Variants in PCDHGB5 observed in about 807,000 individuals in gnomAD.
PCDHGB5 encodes protocadherin gamma-B5.
In PCDHGB5, 48 loss-of-function variants were observed where a neutral mutation model predicts 62.9. The observed-to-expected ratio is 0.76, with a 90% CI of 0.61 to 0.97. The LOEUF (loss-of-function observed/expected upper bound fraction) is 0.97. Among genes scored for constraint, PCDHGB5 ranks in the 50% least tolerant of loss-of-function variants. PCDHGB5 has a pLI of 0.00. For missense variants in PCDHGB5, 1,118 were observed against 1,198.6 expected (o/e 0.93, Z 0.99); for synonymous variants, 474 against 511.2 (o/e 0.93, Z 0.98).
At position 141,490,908 on chromosome 5, in the gene PCDHGB5, C is replaced by G; in HGVS notation, c.2398-3899C>G. On this transcript the variant is annotated intron_variant, in intron 1 of 3. Transcript: ENST00000617380. This position sits in a 1 kb window ranked among gnomAD's most constrained non-coding sequence, Gnocchi z 5.4. ...CATCTCTGCATGTGTTTGTCCTAGA[C>G]GAGAATGATAATGCCCCAGCTGTGC... The G allele has an allele frequency of 6.2e-7, 1 of 1,613,710 alleles. No individual in the cohort carries two copies. Among genetic ancestry groups the G allele is most frequent in the Non-Finnish European group, 8.5e-7 (1 of 1,179,754 alleles).
chr5:141,437,794 G>A (rs1162440523), intron 1 of PCDHGB5, among the ~76,000 whole-genome samples: 3 of 150,526 alleles, frequency 2.0e-5, no homozygotes, highest in Non-Finnish European at 4.4e-5. Flanking sequence ...CTGGAGTGCA[G>A]TGGCACTATC....
chr5:141,496,103 C>G (rs779317844), intron 2 of PCDHGB5, among the ~76,000 whole-genome samples: 1 of 152,100 alleles, frequency 6.6e-6, no homozygotes, highest in Non-Finnish European at 1.5e-5. Flanking sequence ...ACCAACACCC[C>G]GCTCTCTTCC....
At chr5:141,405,441 A>G (rs1049992632) in intron 1 of PCDHGB5, 1 of 1,376,552 alleles carries the variant, frequency 7.3e-7, no homozygotes, top group Non-Finnish European at 1.0e-6. Context: ...TGTTTTTGAG[A>G]CAGAGTCTTA....
At chr5:141,423,920 G>A (rs2096790804) in intron 1 of PCDHGB5, 2 of 1,258,728 alleles carry the variant, frequency 1.6e-6, no homozygotes, top group African/African-American at 1.6e-5. Flanking sequence ...ATTCAACTAT[G>A]CTGGTTTGGT....
chr5:141,496,277 T>C (rs1484877198), intron 2 of PCDHGB5, among the ~76,000 whole-genome samples: 1 of 152,134 alleles, frequency 6.6e-6, no homozygotes, highest in Non-Finnish European at 1.5e-5. Context: ...AGACCTTCAG[T>C]TGGTCTGAGC....
rs767415619 is a variant in PCDHGB5 at position 141,399,076 on chromosome 5, G to A, written c.949G>A (p.Gly317Arg). Residue 317 changes from glycine (G) to arginine (R), a missense_variant, in exon 1 of 4, where the codon GGG becomes AGG. Transcript: ENST00000617380. ...CAAGGAATATTCAATGGTTGTAGAA[G>A]GGAGGGATGGTGGTGGACTGGTTGC... ...ETKEYSMVVE[G>R]RDGGGLVAQC... is the part of the protein sequence containing the mutation. 1.2e-6 allele frequency: 2 copies of A among 1,613,850 alleles called. No individual in the cohort carries two copies. Among genetic ancestry groups the A allele is most frequent in the Non-Finnish European group, 1.7e-6 (2 of 1,179,882 alleles).
At position 141,431,110 on chromosome 5, in the gene PCDHGB5, T is replaced by G; in HGVS notation, c.2397+30586T>G. 1.2e-6 allele frequency: 2 copies of G among 1,614,168 alleles called. No individual in the cohort carries two copies. The highest frequency in any genetic ancestry group is 1.7e-6 in the Non-Finnish European group (2 of 1,180,012). On this transcript the variant is annotated intron_variant, in intron 1 of 3. Transcript: ENST00000617380. This position sits in a 1 kb window ranked among gnomAD's most constrained non-coding sequence, Gnocchi z 4.8. Reference sequence around the variant, plus strand: ...TGATGGAGGATAAAGTGAAAATATATGGAGTAGAAGTAGAAGTAAGGGACA... The same window carrying G: ...TGATGGAGGATAAAGTGAAAATATAGGGAGTAGAAGTAGAAGTAAGGGACA...
chr5:141,491,702 T>A lies in PCDHGB5; in HGVS notation c.2398-3105T>A. The A allele has an allele frequency of 6.2e-7, 1 of 1,611,514 alleles. No homozygotes were observed. Among genetic ancestry groups the A allele is most frequent in the Non-Finnish European group, 8.5e-7 (1 of 1,178,984 alleles). ...AATACGCTGCGGGAGCGGAGCCAGG[T>A]GAGGGGCTCGGCGCCGCCCCGGGCG... On this transcript the variant is annotated intron_variant, in intron 1 of 3. Coordinates refer to ENST00000617380, the MANE Select transcript of PCDHGB5 (RefSeq NM_018925.3). The surrounding 1 kb of genome is among the most constrained non-coding windows in gnomAD (Gnocchi z 6.9).
At chr5:141,413,244 C>T in intron 1 of PCDHGB5, 3 of 1,613,984 alleles carry the variant, frequency 1.9e-6, no homozygotes, top group Non-Finnish European at 2.5e-6. Flanking sequence ...TCTGCCTTTT[C>T]TTCGGGATTC....
chr5:141,455,738 A>G (rs896060095), intron 1 of PCDHGB5, among the ~76,000 whole-genome samples: 2 of 152,140 alleles, frequency 1.3e-5, no homozygotes, highest in Non-Finnish European at 2.9e-5. Flanking sequence ...TTGCATATCA[A>G]AGGTTGCTGG....
chr5:141,405,354 T>G lies in PCDHGB5; in HGVS notation c.2397+4830T>G, dbSNP rs781757006. The G allele has an allele frequency of 3.7e-6, 6 of 1,614,112 alleles. No homozygotes were observed. In the East Asian group the frequency reaches 1.3e-4, roughly 36 times the overall value. On this transcript the variant is annotated intron_variant, in intron 1 of 3. Coordinates refer to ENST00000617380, the MANE Select transcript of PCDHGB5 (RefSeq NM_018925.3). The stretch of plus-strand genomic sequence containing the variant: ...GTCTCTGTTGATTCCAAGTTTCCTA[T>G]AGAAGACACCCCTTTGGTTCCGGTG...
At chr5:141,444,880 G>C (rs527554886) in intron 1 of PCDHGB5, among the ~76,000 whole-genome samples, 5 of 152,268 alleles carry the variant, frequency 3.3e-5, no homozygotes, top group Admixed American at 1.3e-4. Flanking sequence ...AAGCTTGTAG[G>C]ATTTTTGAAT....
At chr5:141,427,067 G>A (rs1170378664) in intron 1 of PCDHGB5, 1 of 457,930 alleles carries the variant, frequency 2.2e-6, no homozygotes, top group Non-Finnish European at 4.4e-6. Context: ...CTGTACTAAA[G>A]GTGACAGCCA....
chr5:141,499,233 C>A (rs1047984757), intron 2 of PCDHGB5, among the ~76,000 whole-genome samples: 2 of 152,116 alleles, frequency 1.3e-5, no homozygotes, highest in Non-Finnish European at 2.9e-5. Context: ...CAGCTGTCCC[C>A]AGCCTCTGCA....
chr5:141,427,428 T>C (rs1489623330), intron 1 of PCDHGB5: 3 of 470,472 alleles, frequency 6.4e-6, no homozygotes, highest in Admixed American at 4.7e-5. Context: ...GGAGGTTACA[T>C]GCCTCATAAA....
rs200117787 is a variant in PCDHGB5, at chr5:141,477,443, G to T, written c.2398-17364G>T. ...CCCTTCCCTCTCAGCCCTTACAATA[G>T]TGCGTGTTCAAGTGTCCGACATCAA... On this transcript the variant is annotated intron_variant, in intron 1 of 3. Coordinates refer to ENST00000617380, the MANE Select transcript of PCDHGB5 (RefSeq NM_018925.3). This position sits in a 1 kb window ranked among gnomAD's most constrained non-coding sequence, Gnocchi z 4.9. The T allele has an allele frequency of 1.7e-5, 28 of 1,614,136 alleles. No homozygotes were observed. In the East Asian group the frequency reaches 6.2e-4, roughly 36 times the overall value.
intron 1 of PCDHGB5, chr5:141,441,502 T>G (rs2098250414): frequency 5.8e-6 from 1 of 173,754 alleles, no homozygotes; most frequent in African/African-American, 2.4e-5. Context: ...CTACCAGGCC[T>G]CCTACGTCGT....
intron 1 of PCDHGB5, chr5:141,423,684 T>TA (rs1412198122): frequency 1.3e-6 from 2 of 1,524,644 alleles, no homozygotes; most frequent in Non-Finnish European, 1.8e-6. Context: ...CTCTGCCTCC[T>TA]AATTGTTGGT....
rs188338684 is a variant in PCDHGB5, at chr5:141,431,953, C to T, written c.2397+31429C>T. ...TGCCCTTTAAATTAGAAAAATCTTA[C>T]GGAAATTACTATAGTTTAGTCACAG... On this transcript the variant is annotated intron_variant, in intron 1 of 3. Transcript: ENST00000617380. The surrounding 1 kb of genome is among the most constrained non-coding windows in gnomAD (Gnocchi z 4.8). 2.4e-5 allele frequency: 38 copies of T among 1,614,082 alleles called. No homozygotes were observed. In the East Asian group the frequency reaches 7.6e-4, roughly 32 times the overall value.
Sources: allele counts gnomAD v4.1 joint callset (sites outside exome capture counted in the v4.1 genomes callset), GRCh38; gene constraint gnomAD v4.1.1; non-coding constraint Gnocchi (gnomAD v3.1); transcripts MANE v1.5; gene names NCBI Gene and HGNC (gene_info 2026-07-23, HGNC 2026-07-21).